RAVER1: variants seen among roughly 807,000 people sequenced by gnomAD.
The protein encoded by RAVER1 is ribonucleoprotein PTB-binding 1.
In RAVER1, 36 loss-of-function variants were observed where a neutral mutation model predicts 68.4. The ratio of observed to expected loss-of-function variants is 0.53; its 90% CI spans 0.40 to 0.70. The LOEUF (loss-of-function observed/expected upper bound fraction) is 0.70. Ranked by LOEUF, RAVER1 falls within the 30% of genes least tolerant of loss-of-function variation. RAVER1 has a pLI of 0.00. For missense variants in RAVER1, 933 were observed against 1,019.8 expected (o/e 0.91, Z 1.16); for synonymous variants, 469 against 472.7 (o/e 0.99, Z 0.10).
intron 11 of RAVER1, among the ~76,000 whole-genome samples, 183 bp downstream of exon 11, chr19:10,318,046 T>C (rs1355307590): frequency 6.6e-6 from 1 of 152,188 alleles, no homozygotes; most frequent in Admixed American, 6.5e-5. Context: ...CTGGCAGTGC[T>C]AGGTGCTTGA....
At chr19:10,332,648 C>T (rs907163545) in intron 1 of RAVER1, among the ~76,000 whole-genome samples, 11 of 152,320 alleles carry the variant, frequency 7.2e-5, no homozygotes, top group Admixed American at 2.0e-4. Context: ...CTGCCCCATG[C>T]TGGCCCCATG....
rs756328627 is a variant in RAVER1 at position 10,321,050 on chromosome 19, C to T, written c.1471G>A (p.Gly491Arg). The change falls in exon 8 of 13, where the codon GGG becomes AGG. Residue 491 changes from glycine (G) to arginine (R), a missense_variant and splice_region_variant. Physicochemically the swap from Gly to Arg is moderately radical, Grantham distance 125. This residue lies in a region of RAVER1 where 699 missense variants were observed against 731.1 expected (regional missense o/e 0.96). Coordinates refer to ENST00000617231, the MANE Select transcript of RAVER1 (RefSeq NM_133452.3). ...KDSGPLPTPP[G>R]VSLLGEPPKD... ...CCGCGCGCAGGGCAGGGCCTTACCC[C>T]AGGGGGCGTCGGCAGAGGCCCACTG... The T allele has an allele frequency of 4.7e-5, 66 of 1,392,398 alleles. 1 individual carries two copies. In the East Asian group the frequency reaches 1.8e-3, roughly 37 times the overall value. The allele number at this position is 1,392,398 out of a possible 1,614,324, so 86.3% of individuals were successfully genotyped here.
intron 10 of RAVER1, among the ~76,000 whole-genome samples, chr19:10,318,763 C>A (rs745719331): frequency 6.6e-6 from 1 of 152,190 alleles, no homozygotes; most frequent in Non-Finnish European, 1.5e-5. Flanking sequence ...GGATCATCAC[C>A]GCACGAATGG....
In RAVER1 at chr19:10,329,606, C is replaced by T. The variant is rs1297946525; in HGVS notation, c.287-495G>A. Among the ~76,000 whole-genome samples, 5 of 152,282 alleles carry T rather than the reference C, an allele frequency of 3.3e-5. No homozygotes were observed. The highest frequency in any genetic ancestry group is 2.1e-4 in the South Asian group (1 of 4,822). On this transcript the variant is annotated intron_variant, in intron 2 of 12. Transcript: ENST00000617231. The surrounding 1 kb of genome is among the most constrained non-coding windows in gnomAD (Gnocchi z 4.6). Reference sequence around the variant, plus strand: ...GAGCCTGGACTTGAACCCAGGCAGCCGGACTCCAGAGGCCCACTCTACACA... The same window carrying T: ...GAGCCTGGACTTGAACCCAGGCAGCTGGACTCCAGAGGCCCACTCTACACA...
Position 10,317,501 on chromosome 19 carries a change from C to T in RAVER1, c.2173G>A (p.Gly725Ser), listed in dbSNP as rs749663647. Residue 725 changes from glycine to serine, a missense_variant, in exon 13 of 13, where the codon GGC (glycine) becomes AGC (serine). Physicochemically the swap from Gly to Ser is moderately conservative, Grantham distance 56 (BLOSUM62 0). Around this residue, in one of 3 missense-constraint regions of RAVER1, gnomAD observed 699 missense variants for 731.1 expected, o/e 0.96. Coordinates refer to ENST00000617231, the MANE Select transcript of RAVER1 (RefSeq NM_133452.3). The surrounding 1 kb of genome is among the most constrained non-coding windows in gnomAD (Gnocchi z 4.3). ...SYVGQHSQGLGGHYADSYLKR... is the reference protein window; with the variant it reads ...SYVGQHSQGLSGHYADSYLKR... Reference sequence around the variant, plus strand: ...AGGTAGGAGTCCGCGTAGTGGCCGCCGAGGCCCTGGGAGTGCTGGCCCACA... The same window carrying T: ...AGGTAGGAGTCCGCGTAGTGGCCGCTGAGGCCCTGGGAGTGCTGGCCCACA... 36 of 1,613,628 alleles carry T rather than the reference C, an allele frequency of 2.2e-5. No individual in the cohort carries two copies. Among genetic ancestry groups the T allele is most frequent in the East Asian group, 1.8e-4 (8 of 44,900 alleles).
intron 3 of RAVER1, among the ~76,000 whole-genome samples, chr19:10,324,748 A>G (rs752464675): frequency 5.9e-5 from 9 of 152,170 alleles, no homozygotes; most frequent in Non-Finnish European, 8.8e-5. Context: ...AGGCCACACA[A>G]TTCCTAAGTC....
In RAVER1 at chr19:10,328,285, C is replaced by A. The variant is rs1290137075; in HGVS notation, c.756+357G>T. Among the ~76,000 whole-genome samples the A allele has an allele frequency of 6.6e-6, 1 of 152,142 alleles. No homozygotes were observed. The highest frequency in any genetic ancestry group is 1.9e-4 in the East Asian group (1 of 5,198). On this transcript the variant is annotated intron_variant, in intron 3 of 12. Coordinates refer to ENST00000617231, the MANE Select transcript of RAVER1 (RefSeq NM_133452.3). This position sits in a 1 kb window ranked among gnomAD's most constrained non-coding sequence, Gnocchi z 4.4. The stretch of plus-strand genomic sequence containing the variant: ...TGCAGAGGGATTCAAATCCCCTGGC[C>A]AGGTGTGGTGGCTCACGCATGTAAT...
intron 1 of RAVER1, among the ~76,000 whole-genome samples, chr19:10,331,356 C>CAAAAAAAAAAAAAAA (rs58419369): frequency 6.9e-5 from 2 of 29,170 alleles, no homozygotes; most frequent in Non-Finnish European, 5.5e-5. Flanking sequence ...GACTCCGTCT[C>CAAAAAAAAAAAAAAA]AAAAAAAAAA....
In RAVER1 at chr19:10,323,597, T is replaced by C; in HGVS notation, c.757-31A>G. On this transcript the variant is annotated intron_variant, in intron 3 of 12. Transcript: ENST00000617231. This position sits in a 1 kb window ranked among gnomAD's most constrained non-coding sequence, Gnocchi z 6.2. ...GGAGGAAGGCAGGCAGTCATGAGCA[T>C]CTGGGCAGCAGTGACTGCACCACCC... The C allele has an allele frequency of 1.3e-6, 2 of 1,557,770 alleles. No individual in the cohort carries two copies. The highest frequency in any genetic ancestry group is 1.7e-6 in the Non-Finnish European group (2 of 1,154,274).
In RAVER1 at chr19:10,332,174, T is replaced by C. The variant is rs570832362; in HGVS notation, c.219+1115A>G. On this transcript the variant is annotated intron_variant, in intron 1 of 12. Coordinates refer to ENST00000617231, the MANE Select transcript of RAVER1 (RefSeq NM_133452.3). ...CATGCCTGGCTAATTTTTAAAAATT[T>C]TTTGTAGAGATGAGGGTTTCACTAT... Among the ~76,000 whole-genome samples the C allele has an allele frequency of 2.0e-5, 3 of 152,178 alleles. No homozygotes were observed. The South Asian group carries it at 6.2e-4, about 32-fold the overall frequency.
rs1482952390 is a variant in RAVER1 at position 10,333,528 on chromosome 19, C to G, written c.-21G>C. 1 of 1,589,680 alleles carries G rather than the reference C, an allele frequency of 6.3e-7. No individual in the cohort carries two copies. The highest frequency in any genetic ancestry group is 1.3e-5 in the African/African-American group (1 of 74,314). ...GCCATCTTGGGAAACCCGGCGCCTT[C>G]TGGGACCAGCGAGCCGGGGCGGAGC... On this transcript the variant is annotated 5_prime_UTR_variant, in exon 1 of 13. Coordinates refer to ENST00000617231, the MANE Select transcript of RAVER1 (RefSeq NM_133452.3). The surrounding 1 kb of genome is among the most constrained non-coding windows in gnomAD (Gnocchi z 4.2).
chr19:10,325,518 C>G (rs1281520340), intron 3 of RAVER1, among the ~76,000 whole-genome samples: 1 of 151,774 alleles, frequency 6.6e-6, no homozygotes, highest in Non-Finnish European at 1.5e-5. Flanking sequence ...CGTGAGCCAC[C>G]GTGCCATGAG....
At position 10,333,122 on chromosome 19, in the gene RAVER1, G is replaced by GC. The variant is rs370557236; in HGVS notation, c.219+166dup. Among the ~76,000 whole-genome samples the GC allele has an allele frequency of 4.7e-5, 7 of 148,442 alleles. No homozygotes were observed. Among genetic ancestry groups the GC allele is most frequent in the African/African-American group, 7.5e-5 (3 of 40,068 alleles). On this transcript the variant is annotated intron_variant, in intron 1 of 12. Transcript: ENST00000617231. The surrounding 1 kb of genome is among the most constrained non-coding windows in gnomAD (Gnocchi z 4.2). ...GCAGTCGGTTTCCCCTTTCATCATC[G>GC]CCCCCCCACGTCCCGCTCTTGGTCT...
chr19:10,326,760 T>G (rs948806307), intron 3 of RAVER1, among the ~76,000 whole-genome samples: 3 of 149,294 alleles, frequency 2.0e-5, no homozygotes, highest in African/African-American at 4.9e-5. Flanking sequence ...GGCCTGTTTT[T>G]TTTTTTTTTT....
Position 10,328,105 on chromosome 19 carries a change from C to T in RAVER1, c.756+537G>A, listed in dbSNP as rs1211901104. Among the ~76,000 whole-genome samples the T allele has an allele frequency of 6.6e-6, 1 of 152,184 alleles. No homozygotes were observed. Among genetic ancestry groups the T allele is most frequent in the South Asian group, 2.1e-4 (1 of 4,830 alleles). On this transcript the variant is annotated intron_variant, in intron 3 of 12. Coordinates refer to ENST00000617231, the MANE Select transcript of RAVER1 (RefSeq NM_133452.3). The surrounding 1 kb of genome is among the most constrained non-coding windows in gnomAD (Gnocchi z 4.4). ...CTCAAATAGACTGTGGGCTCCTCTG[C>T]AGCCTCCTCAATGCCTGGTCCAGGT...
intron 10 of RAVER1, 111 bp from the exon 11 acceptor site, chr19:10,318,483 C>A (rs1007154018): frequency 1.2e-6 from 1 of 806,568 alleles, no homozygotes; most frequent in Non-Finnish European, 1.9e-6. Context: ...CTCAGCCTCC[C>A]GAGTAGCTGG....
At position 10,320,846 on chromosome 19, in the gene RAVER1, G is replaced by C; in HGVS notation, c.1579C>G (p.Arg527Gly). 1 of 1,513,126 alleles carries C rather than the reference G, an allele frequency of 6.6e-7. No individual in the cohort carries two copies. Among genetic ancestry groups the C allele is most frequent in the Non-Finnish European group, 8.8e-7 (1 of 1,137,756 alleles). The allele number at this position is 1,513,126 out of a possible 1,614,324, so 93.7% of individuals were successfully genotyped here. A position where few individuals can be genotyped will look rare whatever the true frequency, so the allele number is the denominator to read the frequency against. Residue 527 changes from arginine to glycine, a missense_variant, in exon 9 of 13, where the codon CGG becomes GGG. Coordinates refer to ENST00000617231, the MANE Select transcript of RAVER1 (RefSeq NM_133452.3). ...CTTCTCCCGGCGCCTCCCCAGCCCC[G>C]GGCCTCCTTACCCGCCAGGTTGCTG... Reference protein sequence around the residue: ...PASNLAGKEARGWGGAGRSRR... With the variant: ...PASNLAGKEAGGWGGAGRSRR...
chr19:10,316,353 T>G lies in RAVER1; in HGVS notation c.*1101A>C. On this transcript the variant is annotated 3_prime_UTR_variant, in exon 13 of 13. Transcript: ENST00000617231. ...GAGGGAAGCTGGTGGCCCAGTTGGC[T>G]GGGGGCAAGGCCCAGGGTCACCTCA... is the stretch of plus-strand genomic sequence containing the variant. 9.0e-7 allele frequency: 1 copy of G among 1,112,896 alleles called. No homozygotes were observed. The highest frequency in any genetic ancestry group is 1.1e-6 in the Non-Finnish European group (1 of 909,930). 68.9% of individuals were successfully genotyped at this position (1,112,896 alleles called of 1,614,324 possible). A position where few individuals can be genotyped will look rare whatever the true frequency, so the allele number is the denominator to read the frequency against.
At position 10,322,248 on chromosome 19, in the gene RAVER1, A is replaced by G. The variant is rs4804500; in HGVS notation, c.1173+397T>C. The G allele has an allele frequency of 0.2, 45,174 of 225,198 alleles. 5,078 individuals carry two copies. The highest frequency in any genetic ancestry group is 0.3 in the Admixed American group (4,931 of 16,286). The allele number at this position is 225,198 out of a possible 1,614,324, so 13.9% of individuals were successfully genotyped here. A position where few individuals can be genotyped will look rare whatever the true frequency, so the allele number is the denominator to read the frequency against. Reference sequence around the variant, plus strand: ...TAGGTGTGCGTGTGTGTGTGTGCACACACTGAGGGGATAGACCTGGAGTTT... The same window carrying G: ...TAGGTGTGCGTGTGTGTGTGTGCACGCACTGAGGGGATAGACCTGGAGTTT... On this transcript the variant is annotated intron_variant, in intron 6 of 12. Coordinates refer to ENST00000617231, the MANE Select transcript of RAVER1 (RefSeq NM_133452.3). This position sits in a 1 kb window ranked among gnomAD's most constrained non-coding sequence, Gnocchi z 4.3.
Sources: gnomAD v4.1 joint callset for allele counts (sites outside exome capture counted in the v4.1 genomes callset) on GRCh38, gnomAD v4.1.1 for gene constraint, gnomAD v4.1.1 regional missense constraint, Gnocchi (gnomAD v3.1) non-coding constraint, MANE v1.5 for transcripts, NCBI Gene and HGNC (gene_info 2026-07-23, HGNC 2026-07-21) for gene names.